The following HMGA2 variants were observed in gnomAD, a reference collection of about 807,000 sequenced individuals.
The protein encoded by HMGA2 is high mobility group AT-hook 2, also known as high mobility group protein HMGI-C.
In HMGA2, 8 loss-of-function variants were observed where a neutral mutation model predicts 19.1. The observed-to-expected ratio is 0.42, with a 90% CI of 0.25 to 0.76. The LOEUF is 0.76. Ranked by LOEUF, HMGA2 falls within the 30% of genes least tolerant of loss-of-function variation. The pLI, the probability that HMGA2 is intolerant of heterozygous loss-of-function variation, is 0.28. For synonymous variants in HMGA2, 60 were observed against 48.8 expected (o/e 1.23, Z -0.96); for missense variants, 109 against 136.3 (o/e 0.80, Z 1.00).
At chr12:65,834,075 A>G (rs1870595165) in intron 2 of HMGA2, among the ~76,000 whole-genome samples, 1 of 152,186 alleles carries the variant, frequency 6.6e-6, no homozygotes, top group African/African-American at 2.4e-5. Context: ...TGTAAACAGG[A>G]CATATCTGAT....
intron 3 of HMGA2, among the ~76,000 whole-genome samples, chr12:65,918,401 G>T (rs1875185334): frequency 6.6e-6 from 1 of 152,178 alleles, no homozygotes. Flanking sequence ...ATGTAAGCAG[G>T]GCTGGTGAGA....
intron 2 of HMGA2, among the ~76,000 whole-genome samples, chr12:65,833,340 G>T (rs1200701540): frequency 6.6e-6 from 1 of 151,554 alleles, no homozygotes; most frequent in Non-Finnish European, 1.5e-5. Context: ...TCTAGGCTTT[G>T]GATAGTGGGC....
intron 3 of HMGA2, among the ~76,000 whole-genome samples, chr12:65,951,071 G>A (rs1038817686): frequency 2.6e-5 from 4 of 152,054 alleles, no homozygotes; most frequent in African/African-American, 9.7e-5. Context: ...TGGGACTACA[G>A]TTGCAACGCC....
chr12:65,957,214 G>C (rs1433478353), intron 4 of HMGA2: 4 of 152,130 alleles, frequency 2.6e-5, no homozygotes, highest in Non-Finnish European at 5.9e-5. Context: ...AAGGGAAAAG[G>C]TTTTTCCTAG....
chr12:65,883,064 T>C (rs1873502328), intron 3 of HMGA2, among the ~76,000 whole-genome samples: 1 of 152,246 alleles, frequency 6.6e-6, no homozygotes, highest in Non-Finnish European at 1.5e-5. Flanking sequence ...TCTTTGTTTA[T>C]CTTCTTTGTC....
At chr12:65,944,039 G>C (rs1876178210) in intron 3 of HMGA2, among the ~76,000 whole-genome samples, 2 of 152,186 alleles carry the variant, frequency 1.3e-5, no homozygotes, top group African/African-American at 2.4e-5. Flanking sequence ...TGTATAGCTA[G>C]CTGTAGCTGA....
intron 3 of HMGA2, among the ~76,000 whole-genome samples, chr12:65,909,709 T>C (rs140896257): frequency 8.5e-5 from 13 of 152,328 alleles, no homozygotes; most frequent in African/African-American, 2.6e-4. Context: ...TTTGCCTATA[T>C]AGATGTGAAT....
At chr12:65,902,195 A>G (rs1229712470) in intron 3 of HMGA2, among the ~76,000 whole-genome samples, 1 of 152,088 alleles carries the variant, frequency 6.6e-6, no homozygotes, top group African/African-American at 2.4e-5. Flanking sequence ...ATAAATAGCT[A>G]AAGAGCCATT....
intron 3 of HMGA2, among the ~76,000 whole-genome samples, chr12:65,850,050 A>G (rs1445108605): frequency 6.6e-6 from 1 of 151,888 alleles, no homozygotes; most frequent in Non-Finnish European, 1.5e-5. Context: ...CCCTTCCTCT[A>G]TTGGTGGTTG....
At chr12:65,960,393 T>A (rs565860796) in intron 4 of HMGA2, among the ~76,000 whole-genome samples, 193 of 152,140 alleles carry the variant, frequency 1.3e-3, no homozygotes, top group Admixed American at 2.3e-3. Context: ...TGAGAATGGG[T>A]TTTCCAACCT....
Position 65,964,545 on chromosome 12 carries a change from A to G in HMGA2, c.*1253A>G, listed in dbSNP as rs554823863. On this transcript the variant is annotated 3_prime_UTR_variant, in exon 5 of 5. Coordinates refer to ENST00000403681, the MANE Select transcript of HMGA2 (RefSeq NM_003483.6). ...AGATGCAATATATCCCCACTACTCAATACTACCTCTGAATGTTACAACGAA... is the reference window on the plus strand; with the variant it reads ...AGATGCAATATATCCCCACTACTCAGTACTACCTCTGAATGTTACAACGAA... 4.6e-5 allele frequency: 10 copies of G among 217,936 alleles called. No homozygotes were observed. In the South Asian group the frequency reaches 5.6e-4, roughly 12 times the overall value. The allele number at this position is 217,936 out of a possible 1,614,324, so 13.5% of individuals were successfully genotyped here.
chr12:65,929,429 C>G (rs578052254), intron 3 of HMGA2, among the ~76,000 whole-genome samples: 1 of 151,290 alleles, frequency 6.6e-6, no homozygotes, highest in South Asian at 2.1e-4. Context: ...CTTGATATGT[C>G]TAAAGAGACC....
At chr12:65,938,452 T>C (rs1875970562) in intron 3 of HMGA2, among the ~76,000 whole-genome samples, 1 of 152,182 alleles carries the variant, frequency 6.6e-6, no homozygotes, top group East Asian at 1.9e-4. Flanking sequence ...GGATTTCCAT[T>C]ACCTCCTTAC....
At chr12:65,867,297 G>C (rs1872475713) in intron 3 of HMGA2, among the ~76,000 whole-genome samples, 1 of 152,060 alleles carries the variant, frequency 6.6e-6, no homozygotes. Context: ...TTTTTGCTCT[G>C]TTGAGAACAT....
chr12:65,881,574 T>G, intron 3 of HMGA2: 9 of 602,300 alleles, frequency 1.5e-5, no homozygotes, highest in Non-Finnish European at 2.4e-5. Flanking sequence ...AAGATCCAGT[T>G]ATGACTGGAA....
intron 3 of HMGA2, among the ~76,000 whole-genome samples, chr12:65,911,525 G>A (rs1874845052): frequency 6.6e-6 from 1 of 152,138 alleles, no homozygotes; most frequent in Non-Finnish European, 1.5e-5. Flanking sequence ...AAAGCTGTGT[G>A]ATGACAGCAA....
rs1876808653 is a variant in HMGA2 at position 65,963,347 on chromosome 12, A to G, written c.*55A>G. On this transcript the variant is annotated 3_prime_UTR_variant, in exon 5 of 5. Coordinates refer to ENST00000403681, the MANE Select transcript of HMGA2 (RefSeq NM_003483.6). ...CAGCAGTTGGATCTTTTGAAGGGAG[A>G]AGACACTGCAGTGACCACTTATTCT... 2 of 1,379,614 alleles carry G rather than the reference A, an allele frequency of 1.4e-6. No homozygotes were observed. The highest frequency in any genetic ancestry group is 1.1e-5 in the South Asian group (1 of 87,416). The allele number at this position is 1,379,614 out of a possible 1,614,324, so 85.5% of individuals were successfully genotyped here. A position where few individuals can be genotyped will look rare whatever the true frequency, so the allele number is the denominator to read the frequency against.
chr12:65,947,727 C>T (rs957015978), intron 3 of HMGA2, among the ~76,000 whole-genome samples: 2 of 152,202 alleles, frequency 1.3e-5, no homozygotes, highest in African/African-American at 4.8e-5. Context: ...AAAGGCTTTG[C>T]TATCTGTTCA....
chr12:65,939,944 T>C (rs1398303014), intron 3 of HMGA2, among the ~76,000 whole-genome samples: 1 of 152,192 alleles, frequency 6.6e-6, no homozygotes, highest in Non-Finnish European at 1.5e-5. Context: ...ACAAGCATTT[T>C]TATTCTTCTC....
Sources: gnomAD v4.1 joint callset for allele counts (sites outside exome capture counted in the v4.1 genomes callset) on GRCh38, gnomAD v4.1.1 for gene constraint, MANE v1.5 for transcripts, NCBI Gene and HGNC (gene_info 2026-07-23, HGNC 2026-07-21) for gene names.